Variants in OGDHL observed in about 807,000 individuals in gnomAD.
The protein encoded by OGDHL is 2-oxoglutarate dehydrogenase-like, mitochondrial.
In OGDHL, 79 loss-of-function variants were observed where a neutral mutation model predicts 109.6. That is an observed-to-expected ratio of 0.72 (90% CI 0.60 to 0.87). The LOEUF (loss-of-function observed/expected upper bound fraction) is 0.87. Ranked by LOEUF, OGDHL falls within the 40% of genes least tolerant of loss-of-function variation. The pLI is 0.00. For synonymous variants in OGDHL, 528 were observed against 537.2 expected (o/e 0.98, Z 0.24); for missense variants, 1,275 against 1,362.2 (o/e 0.94, Z 1.01).
chr10:49,755,489 G>T (rs768537239), intron 3 of OGDHL, among the ~76,000 whole-genome samples: 7 of 152,220 alleles, frequency 4.6e-5, no homozygotes, highest in Non-Finnish European at 1.0e-4. Context: ...GGCCATGATT[G>T]ATGGGTGGTG....
Position 49,735,101 on chromosome 10 carries a change from A to C in OGDHL, c.*127T>G, listed in dbSNP as rs1035731406. 1.7e-6 allele frequency: 2 copies of C among 1,198,966 alleles called. No homozygotes were observed. The highest frequency in any genetic ancestry group is 2.3e-6 in the Non-Finnish European group (2 of 854,042). 74.3% of individuals were successfully genotyped at this position (1,198,966 alleles called of 1,614,324 possible). Reference sequence around the variant, plus strand: ...AGCAGTGCTGGCTCTTGGCCCTGTCACTGTGTCTGTTTTATCCTGGGGCCC... The same window carrying C: ...AGCAGTGCTGGCTCTTGGCCCTGTCCCTGTGTCTGTTTTATCCTGGGGCCC... On this transcript the variant is annotated 3_prime_UTR_variant, in exon 23 of 23. Coordinates refer to ENST00000374103, the MANE Select transcript of OGDHL (RefSeq NM_018245.3).
At chr10:49,743,569 T>TG (rs999830366) in intron 14 of OGDHL, 2 of 167,384 alleles carry the variant, frequency 1.2e-5, no homozygotes, top group Non-Finnish European at 2.6e-5. Context: ...CACCCCGGAG[T>TG]GGGGGGGCTG....
intron 11 of OGDHL, 40 bp downstream of exon 11, chr10:49,745,758 G>C (rs1206826846): frequency 6.2e-7 from 1 of 1,600,378 alleles, no homozygotes; most frequent in East Asian, 2.2e-5. Flanking sequence ...AGCAGGGATG[G>C]GCCACCCACC....
rs41281975 is a variant in OGDHL, at chr10:49,743,503, A to G, written c.1861+491T>C. On this transcript the variant is annotated intron_variant, in intron 14 of 22. Coordinates refer to ENST00000374103, the MANE Select transcript of OGDHL (RefSeq NM_018245.3). ...GGGACCCTCCGGACTTCCCAGGCAAAGGTCACAGTGGCCCCAGCCAAGGGA... is the reference window on the plus strand; with the variant it reads ...GGGACCCTCCGGACTTCCCAGGCAAGGGTCACAGTGGCCCCAGCCAAGGGA... 8.7e-3 allele frequency: 1,437 copies of G among 165,728 alleles called. 14 individuals carry two copies. The highest frequency in any genetic ancestry group is 0.013 in the Non-Finnish European group (975 of 76,484). The allele number at this position is 165,728 out of a possible 1,614,324, so 10.3% of individuals were successfully genotyped here.
chr10:49,745,212 TG>T, intron 12 of OGDHL, 131 bp downstream of exon 12: 1 of 1,197,474 alleles, frequency 8.4e-7, no homozygotes, highest in African/African-American at 1.5e-5. Flanking sequence ...TGGGGCCTCT[TG>T]GGGACAAGGA....
chr10:49,758,105 A>G (rs1393478931), intron 2 of OGDHL, among the ~76,000 whole-genome samples: 2 of 152,250 alleles, frequency 1.3e-5, no homozygotes, highest in Non-Finnish European at 2.9e-5. Context: ...CTAATTACAT[A>G]CAAAGGAGCA....
At chr10:49,759,716 C>T (rs1843151574) in intron 1 of OGDHL, among the ~76,000 whole-genome samples, 2 of 152,174 alleles carry the variant, frequency 1.3e-5, no homozygotes, top group South Asian at 4.1e-4. Context: ...TCCAGCACAG[C>T]CACTGCCATA....
chr10:49,756,795 G>T lies in OGDHL; in HGVS notation c.356C>A (p.Ser119Tyr). ...CCTCACCTGGTAGGCCCGGATCAGG[G>T]ACTGCACAGCCAGGTGGTCCTCCAC... ...KLVEDHLAVQ[S>Y]LIRAYQIRGH... The change falls in exon 3 of 23, where the codon TCC (serine) becomes TAC (tyrosine). Residue 119 changes from serine to tyrosine, a missense_variant. Transcript: ENST00000374103. The T allele has an allele frequency of 6.2e-7, 1 of 1,613,560 alleles. No homozygotes were observed. Among genetic ancestry groups the T allele is most frequent in the Non-Finnish European group, 8.5e-7 (1 of 1,179,728 alleles).
chr10:49,752,749 A>C lies in OGDHL; in HGVS notation c.376-9T>G. On this transcript the variant is annotated splice_polypyrimidine_tract_variant and intron_variant, in intron 3 of 22. Coordinates refer to ENST00000374103, the MANE Select transcript of OGDHL (RefSeq NM_018245.3). ...ACATGGTGACCCCGGATCTGGGAGGAGGGAAAAGAGCAGGGTGGGGCTGGG... is the reference window on the plus strand; with the variant it reads ...ACATGGTGACCCCGGATCTGGGAGGCGGGAAAAGAGCAGGGTGGGGCTGGG... 1 of 1,608,364 alleles carries C rather than the reference A, an allele frequency of 6.2e-7. No homozygotes were observed.
At position 49,740,690 on chromosome 10, in the gene OGDHL, G is replaced by A; in HGVS notation, c.2140+20C>T. The A allele has an allele frequency of 1.2e-6, 2 of 1,607,510 alleles. No homozygotes were observed. The highest frequency in any genetic ancestry group is 1.7e-4 in the Middle Eastern group (1 of 6,016). ...CAGGTGTCTGGGGCCTGCCTGGCCTGCAGGAGAGCGTGGACCCACCCAGGA... is the reference window on the plus strand; with the variant it reads ...CAGGTGTCTGGGGCCTGCCTGGCCTACAGGAGAGCGTGGACCCACCCAGGA... On this transcript the variant is annotated intron_variant, in intron 16 of 22. Transcript: ENST00000374103.
At chr10:49,758,713 AG>A (rs1487436101) in intron 1 of OGDHL, 120 bp from the exon 2 acceptor site, 2 of 1,005,612 alleles carry the variant, frequency 2.0e-6, no homozygotes, top group East Asian at 2.6e-5. Flanking sequence ...GTGCTGGGCT[AG>A]GCAGTGATGA....
upstream of OGDHL, chr10:49,762,324 G>C (rs1271776284): frequency 6.6e-6 from 1 of 152,142 alleles, no homozygotes; most frequent in Non-Finnish European, 1.5e-5. Context: ...CGCGCGCCGT[G>C]CCAATTACCT....
chr10:49,756,358 C>T (rs1842914269), intron 3 of OGDHL, among the ~76,000 whole-genome samples: 1 of 152,138 alleles, frequency 6.6e-6, no homozygotes, highest in Non-Finnish European at 1.5e-5. Flanking sequence ...TTTACTGAAC[C>T]ATTCATTCCA....
chr10:49,745,147 A>G (rs1475534192), intron 12 of OGDHL, among the ~76,000 whole-genome samples, 197 bp downstream of exon 12: 1 of 152,196 alleles, frequency 6.6e-6, no homozygotes, highest in Non-Finnish European at 1.5e-5. Context: ...TGCAGTACCC[A>G]CTGTGTCCCA....
intron 2 of OGDHL, 108 bp downstream of exon 2, chr10:49,758,281 C>T: frequency 8.7e-7 from 1 of 1,145,550 alleles, no homozygotes; most frequent in Non-Finnish European, 1.2e-6. Flanking sequence ...AGAAACCTGC[C>T]CAGGATCACA....
In OGDHL at chr10:49,749,707, A is replaced by C. The variant is rs1222273926; in HGVS notation, c.987+19T>G. On this transcript the variant is annotated intron_variant, in intron 8 of 22. Coordinates refer to ENST00000374103, the MANE Select transcript of OGDHL (RefSeq NM_018245.3). ...CACCCAGCTCTCCAAGGGTGCCGGGACCTGGGCATGGCACCCACCTCGTCC... is the reference window on the plus strand; with the variant it reads ...CACCCAGCTCTCCAAGGGTGCCGGGCCCTGGGCATGGCACCCACCTCGTCC... The C allele has an allele frequency of 1.9e-6, 3 of 1,569,416 alleles. No individual in the cohort carries two copies. In the Admixed American group the frequency reaches 5.4e-5, roughly 28 times the overall value.
At chr10:49,753,647 T>C (rs1267556169) in intron 3 of OGDHL, among the ~76,000 whole-genome samples, 5 of 152,088 alleles carry the variant, frequency 3.3e-5, no homozygotes, top group Non-Finnish European at 7.4e-5. Context: ...TCCTAGCACT[T>C]TGGGAGGCTA....
At position 49,752,641 on chromosome 10, in the gene OGDHL, G is replaced by T; in HGVS notation, c.475C>A (p.Leu159Met). Residue 159 changes from leucine to methionine, a missense_variant, in exon 4 of 23, where the codon CTG (leucine) becomes ATG (methionine). Leu to Met is a conservative substitution (Grantham distance 15, BLOSUM62 2). Transcript: ENST00000374103. ...CCGTCCTGAGGAAGGGTCTTACCCA[G>T]TTTATCAATGGTTGTGATCAAGTCT... ...PSDLITTIDK[L>M]AFYDLQEADL... 1 of 1,613,838 alleles carries T rather than the reference G, an allele frequency of 6.2e-7. No homozygotes were observed. Among genetic ancestry groups the T allele is most frequent in the South Asian group, 1.1e-5 (1 of 91,086 alleles).
At chr10:49,737,695 G>T in intron 20 of OGDHL, 91 bp downstream of exon 20, 1 of 1,380,064 alleles carries the variant, frequency 7.2e-7, no homozygotes, top group East Asian at 2.3e-5. Flanking sequence ...CACAGGCAGA[G>T]GGGAGGTTGG....
Sources: allele counts gnomAD v4.1 joint callset (sites outside exome capture counted in the v4.1 genomes callset), GRCh38; gene constraint gnomAD v4.1.1; transcripts MANE v1.5; gene names NCBI Gene and HGNC (gene_info 2026-07-23, HGNC 2026-07-21).